Variants in MYO1D observed in about 807,000 individuals in gnomAD.
The protein encoded by MYO1D is unconventional myosin-Id.
In MYO1D, 83 loss-of-function variants were observed where a neutral mutation model predicts 122.0. The observed-to-expected ratio is 0.68, with a 90% CI of 0.57 to 0.82. The LOEUF (loss-of-function observed/expected upper bound fraction) is 0.82, where lower values mean the gene tolerates loss of function less well. Among genes scored for constraint, MYO1D ranks in the 40% least tolerant of loss-of-function variants. The pLI is 0.00. For synonymous variants in MYO1D, 464 were observed against 446.9 expected, an observed-to-expected ratio of 1.04 and a Z score of -0.48; for missense variants, 1,157 against 1,269.5, an observed-to-expected ratio of 0.91 and a Z score of 1.35.
intron 21 of MYO1D, among the ~76,000 whole-genome samples, chr17:32,535,656 C>T (rs1439364935): frequency 6.6e-6 from 1 of 152,186 alleles, no homozygotes; most frequent in Non-Finnish European, 1.5e-5. Context: ...GAGGCTGAGG[C>T]AGGAGAATCG....
intron 1 of MYO1D, among the ~76,000 whole-genome samples, chr17:32,785,072 A>G (rs1209541115): frequency 6.6e-6 from 1 of 152,208 alleles, no homozygotes; most frequent in Non-Finnish European, 1.5e-5. Flanking sequence ...TGGTAGGAGA[A>G]ATGAGGAAAG....
chr17:32,876,941 C>A lies in MYO1D; in HGVS notation c.-69G>T, dbSNP rs1036640297. On this transcript the variant is annotated 5_prime_UTR_variant, in exon 1 of 22. Transcript: ENST00000318217. Reference sequence around the variant, plus strand: ...GGCCGCTCCGTGGGCCCGCGATGAGCTCGGGAGGGGCCGGGGCGAGGCCGC... The same window carrying A: ...GGCCGCTCCGTGGGCCCGCGATGAGATCGGGAGGGGCCGGGGCGAGGCCGC... 2.5e-5 allele frequency: 25 copies of A among 980,516 alleles called. No individual in the cohort carries two copies. In the African/African-American group the frequency reaches 3.5e-4, roughly 14 times the overall value. 60.7% of individuals were successfully genotyped at this position (980,516 alleles called of 1,614,324 possible).
In MYO1D at chr17:32,793,620, A is replaced by G. The variant is rs2090381380; in HGVS notation, c.96-12836T>C. On this transcript the variant is annotated intron_variant, in intron 1 of 21. Coordinates refer to ENST00000318217, the MANE Select transcript of MYO1D (RefSeq NM_015194.3). ...GATGCTTTATTTTGATCTTTTGTTA[A>G]CACACTGAAGCCTAGAATTAACAAC... 2.0e-5 allele frequency among the ~76,000 whole-genome samples: 3 copies of G among 152,186 alleles called. 1 individual carries two copies. Among genetic ancestry groups the G allele is most frequent in the African/African-American group, 7.2e-5 (3 of 41,444 alleles).
rs781179885 is a variant in MYO1D at position 32,659,098 on chromosome 17, C to T, written c.2345+17G>A. The T allele has an allele frequency of 6.1e-5, 98 of 1,604,462 alleles. No individual in the cohort carries two copies. Among genetic ancestry groups the T allele is most frequent in the Non-Finnish European group, 7.9e-5 (92 of 1,171,524 alleles). ...TGCCACCATAAATGGATGCAGCACA[C>T]AGCAGCACGTTCTTACCTATTGAAA... On this transcript the variant is annotated intron_variant, in intron 17 of 21. Coordinates refer to ENST00000318217, the MANE Select transcript of MYO1D (RefSeq NM_015194.3).
At chr17:32,745,702 G>A (rs891246200) in intron 12 of MYO1D, 2 of 160,210 alleles carry the variant, frequency 1.2e-5, no homozygotes, top group Non-Finnish European at 2.7e-5. Context: ...GCAAAGGATG[G>A]TAATAATTGG....
chr17:32,677,574 TAGATAA>T (rs1320381628), intron 16 of MYO1D, among the ~76,000 whole-genome samples: 3 of 110,248 alleles, frequency 2.7e-5, no homozygotes, highest in South Asian at 6.6e-4. Flanking sequence ...GATATATAGA[TAGATAA>T]ATATATATAT....
intron 16 of MYO1D, among the ~76,000 whole-genome samples, chr17:32,699,386 A>G (rs567695561): frequency 1.3e-5 from 2 of 152,352 alleles, no homozygotes; most frequent in African/African-American, 2.4e-5. Flanking sequence ...AATGACAGAG[A>G]TAACTGTCAG....
chr17:32,812,418 A>G (rs561558512), intron 1 of MYO1D, among the ~76,000 whole-genome samples: 52 of 152,374 alleles, frequency 3.4e-4, no homozygotes, highest in South Asian at 6.2e-4. Flanking sequence ...ATGGTAAAAA[A>G]TGAGGACAAG....
At chr17:32,547,744 C>T (rs192823321) in intron 21 of MYO1D, among the ~76,000 whole-genome samples, 2 of 152,068 alleles carry the variant, frequency 1.3e-5, no homozygotes, top group South Asian at 2.1e-4. Flanking sequence ...GCCAGGAGAT[C>T]GAGACCAGCC....
intron 21 of MYO1D, among the ~76,000 whole-genome samples, chr17:32,521,128 T>G (rs553767810): frequency 2.0e-5 from 3 of 152,350 alleles, no homozygotes; most frequent in African/African-American, 7.2e-5. Context: ...GAGTTCAGCT[T>G]TAAGCAAGAA....
intron 21 of MYO1D, among the ~76,000 whole-genome samples, chr17:32,546,214 T>C (rs2150881386): frequency 6.6e-6 from 1 of 152,326 alleles, no homozygotes; most frequent in South Asian, 2.1e-4. Flanking sequence ...ACTTAGCCAC[T>C]TTGAGGGCTG....
rs569465713 is a variant in MYO1D at position 32,694,271 on chromosome 17, C to A, written c.2121+17717G>T. On this transcript the variant is annotated intron_variant, in intron 16 of 21. Coordinates refer to ENST00000318217, the MANE Select transcript of MYO1D (RefSeq NM_015194.3). ...CGGAGGAGTTTGGCAATTGGTTTTT[C>A]TTCTACACTCTGAGCTCATCCTGAC... Among the ~76,000 whole-genome samples the A allele has an allele frequency of 2.1e-3, 312 of 145,844 alleles. 3 individuals are homozygous for A. The highest frequency in any genetic ancestry group is 7.6e-3 in the African/African-American group (301 of 39,364).
intron 21 of MYO1D, among the ~76,000 whole-genome samples, chr17:32,570,660 C>T (rs1247545666): frequency 1.3e-5 from 2 of 152,118 alleles, no homozygotes; most frequent in Non-Finnish European, 2.9e-5. Flanking sequence ...CCGGTTATTA[C>T]ACTTTTTAAG....
intron 13 of MYO1D, 64 bp from the exon 14 acceptor site, chr17:32,738,449 G>T: frequency 6.9e-7 from 1 of 1,448,838 alleles, no homozygotes; most frequent in Non-Finnish European, 9.2e-7. Flanking sequence ...AAACTGATAA[G>T]CAATTCTGCT....
intron 1 of MYO1D, among the ~76,000 whole-genome samples, chr17:32,832,882 C>G (rs1270904668): frequency 6.6e-6 from 1 of 152,170 alleles, no homozygotes; most frequent in African/African-American, 2.4e-5. Flanking sequence ...CTTAATTTAT[C>G]TGATCTATAA....
intron 16 of MYO1D, among the ~76,000 whole-genome samples, chr17:32,691,313 A>G (rs1014245957): frequency 6.6e-6 from 1 of 151,514 alleles, no homozygotes; most frequent in Non-Finnish European, 1.5e-5. Flanking sequence ...GTTTGTACTC[A>G]TAGCCAATCG....
At chr17:32,518,293 C>T (rs1909970429) in intron 21 of MYO1D, 1 of 159,552 alleles carries the variant, frequency 6.3e-6, no homozygotes. Flanking sequence ...AGCTCAGAGC[C>T]TGGTGTGGAA....
chr17:32,806,637 G>A (rs1598114282), intron 1 of MYO1D, among the ~76,000 whole-genome samples: 2 of 152,104 alleles, frequency 1.3e-5, no homozygotes, highest in African/African-American at 2.4e-5. Context: ...TCAGCCTCCC[G>A]AAGTGCAGGT....
chr17:32,616,216 G>C (rs2087767339), intron 20 of MYO1D, among the ~76,000 whole-genome samples: 1 of 152,220 alleles, frequency 6.6e-6, no homozygotes, highest in Non-Finnish European at 1.5e-5. Context: ...TGCCTGGATT[G>C]AATTAGATGA....
Sources: gnomAD v4.1 joint callset for allele counts (sites outside exome capture counted in the v4.1 genomes callset) on GRCh38, gnomAD v4.1.1 for gene constraint, MANE v1.5 for transcripts, NCBI Gene and HGNC (gene_info 2026-07-23, HGNC 2026-07-21) for gene names.